FCGR2B: variants seen among roughly 807,000 people sequenced by gnomAD.
FCGR2B encodes the protein Fc gamma receptor IIb, also known as low affinity immunoglobulin gamma Fc region receptor II-b.
Under a neutral mutation model 24.8 loss-of-function variants are expected in FCGR2B, and 18 were observed. The observed-to-expected ratio is 0.73, with a 90% CI of 0.50 to 1.08. The LOEUF (loss-of-function observed/expected upper bound fraction) is 1.08, where lower values mean the gene tolerates loss of function less well. FCGR2B is among the 50% of genes least tolerant of loss of function. FCGR2B has a pLI of 0.00. For synonymous variants in FCGR2B, 79 were observed against 109.8 expected, an observed-to-expected ratio of 0.72 and a Z score of 1.75; for missense variants, 215 against 297.6, an observed-to-expected ratio of 0.72 and a Z score of 2.04.
chr1:161,649,233 G>A, the FCGR2B span, among the ~76,000 whole-genome samples: 2 of 149,702 alleles, frequency 1.3e-5, no homozygotes, highest in African/African-American at 2.5e-5. Context: ...AAAGGAAGAG[G>A]ATTGAAAGTA....
intron 2 of FCGR2B, 56 bp from the exon 3 acceptor site, chr1:161,671,336 C>T: frequency 6.2e-7 from 1 of 1,613,562 alleles, no homozygotes; most frequent in Non-Finnish European, 8.5e-7. Flanking sequence ...GATTCAGGGC[C>T]TCTCAAGCTC....
At chr1:161,647,297 C>T in the FCGR2B span, among the ~76,000 whole-genome samples, 1,962 of 122,204 alleles carry the variant, frequency 0.016, 4 homozygotes, top group East Asian at 0.088. Context: ...GCTCTGGACT[C>T]TTTTTTTTTT....
chr1:161,678,024 A>G lies in FCGR2B; in HGVS notation c.*471A>G. The G allele has an allele frequency of 9.2e-6, 2 of 216,978 alleles. No homozygotes were observed. Among genetic ancestry groups the G allele is most frequent in the East Asian group, 1.4e-4 (2 of 14,576 alleles). The allele number at this position is 216,978 out of a possible 1,614,324, so 13.4% of individuals were successfully genotyped here. A position where few individuals can be genotyped will look rare whatever the true frequency, so the allele number is the denominator to read the frequency against. ...CTTTATTTTTCTATAAAGATCATATATTACTTTTATAATAAAACATTATAA... is the reference window on the plus strand; with the variant it reads ...CTTTATTTTTCTATAAAGATCATATGTTACTTTTATAATAAAACATTATAA... On this transcript the variant is annotated 3_prime_UTR_variant, in exon 8 of 8. Coordinates refer to ENST00000358671, the MANE Select transcript of FCGR2B (RefSeq NM_001394477.1).
At chr1:161,652,045 AGTGTGTGT>A in the FCGR2B span, among the ~76,000 whole-genome samples, 407 of 104,606 alleles carry the variant, frequency 3.9e-3, 34 homozygotes, top group South Asian at 0.012. Flanking sequence ...TATGTTTAGG[AGTGTGTGT>A]GTGTGTGTGT....
the FCGR2B span, among the ~76,000 whole-genome samples, chr1:161,649,301 A>G: frequency 6.6e-6 from 1 of 151,004 alleles, no homozygotes; most frequent in Non-Finnish European, 1.5e-5. Flanking sequence ...CACTGCCAAT[A>G]ATATGAATGT....
chr1:161,653,345 G>T, the FCGR2B span, among the ~76,000 whole-genome samples: 2,302 of 131,980 alleles, frequency 0.017, 131 homozygotes, highest in African/African-American at 0.057. Flanking sequence ...GGCAGAGTTT[G>T]CAGTGAGCCA....
chr1:161,672,879 TC>T (rs1681794352), intron 3 of FCGR2B, 95 bp from the exon 4 acceptor site: 1 of 1,540,732 alleles, frequency 6.5e-7, no homozygotes, highest in African/African-American at 1.4e-5. Context: ...CCTAAGCTGT[TC>T]CCTCTGCACA....
chr1:161,675,085 C>G lies in FCGR2B; in HGVS notation c.761-172C>G, dbSNP rs1322761573. On this transcript the variant is annotated intron_variant, in intron 5 of 7. Coordinates refer to ENST00000358671, the MANE Select transcript of FCGR2B (RefSeq NM_001394477.1). ...GCTGAATTCTGCCTCTGGACCAGCC[C>G]TTTTCCAGGCGGGAGCAGCCTCTGA... 4 of 558,102 alleles carry G rather than the reference C, an allele frequency of 7.2e-6. No homozygotes were observed. In the South Asian group the frequency reaches 1.0e-4, roughly 14 times the overall value. 34.6% of individuals were successfully genotyped at this position (558,102 alleles called of 1,614,324 possible). A position where few individuals can be genotyped will look rare whatever the true frequency, so the allele number is the denominator to read the frequency against.
In FCGR2B at chr1:161,677,477, C is replaced by A; in HGVS notation, c.857C>A (p.Ala286Asp). The change falls in exon 8 of 8, where the codon GCT (alanine) becomes GAT (aspartate). Residue 286 changes from alanine (A) to aspartate (D), a missense_variant and splice_region_variant. Ala to Asp is a moderately radical substitution (Grantham distance 126). Coordinates refer to ENST00000358671, the MANE Select transcript of FCGR2B (RefSeq NM_001394477.1). ...ACTGCTGGTTTCTGCCTTCTCTAGG[C>A]TGAGAACACAATCACCTATTCACTT... ...TNPDEADKVG[A>D]ENTITYSLLM... The A allele has an allele frequency of 6.2e-7, 1 of 1,613,836 alleles. No homozygotes were observed.
At chr1:161,654,265 T>G in the FCGR2B span, among the ~76,000 whole-genome samples, 3 of 130,198 alleles carry the variant, frequency 2.3e-5, no homozygotes, top group Admixed American at 2.4e-4. Flanking sequence ...AGGACAGGGC[T>G]TTTTCAGTGA....
At chr1:161,648,561 A>G in the FCGR2B span, among the ~76,000 whole-genome samples, 2 of 151,086 alleles carry the variant, frequency 1.3e-5, no homozygotes, top group African/African-American at 2.4e-5. Flanking sequence ...CTTACGAATT[A>G]GCTTATCTTC....
rs1682324928 is a variant in FCGR2B at position 161,678,603 on chromosome 1, T to C, written c.*1050T>C. On this transcript the variant is annotated 3_prime_UTR_variant, in exon 8 of 8. Coordinates refer to ENST00000358671, the MANE Select transcript of FCGR2B (RefSeq NM_001394477.1). ...CAATGACCTTGTATTCTTGTTTCCA[T>C]GTCTTCTTCTCTTTCCTCCTATGGC... The C allele has an allele frequency of 4.8e-6, 1 of 208,240 alleles. No homozygotes were observed. Among genetic ancestry groups the C allele is most frequent in the Non-Finnish European group, 9.8e-6 (1 of 102,260 alleles). 12.9% of individuals were successfully genotyped at this position (208,240 alleles called of 1,614,324 possible). A position where few individuals can be genotyped will look rare whatever the true frequency, so the allele number is the denominator to read the frequency against.
the FCGR2B span, among the ~76,000 whole-genome samples, chr1:161,652,543 G>A: frequency 4.5e-5 from 6 of 134,786 alleles, no homozygotes; most frequent in East Asian, 2.0e-4. Flanking sequence ...AACATGTTAA[G>A]TATGGTTGTA....
chr1:161,671,286 T>C, intron 2 of FCGR2B, 106 bp from the exon 3 acceptor site: 1 of 1,572,004 alleles, frequency 6.4e-7, no homozygotes, highest in East Asian at 2.3e-5. Flanking sequence ...GGCTCGGCTT[T>C]TGGTGCCCCT....
At chr1:161,676,376 C>G (rs1394130130) in intron 6 of FCGR2B, 2 of 188,238 alleles carry the variant, frequency 1.1e-5, no homozygotes, top group Non-Finnish European at 2.2e-5. Context: ...CACACCAGGG[C>G]CAAAACAGAT....
At chr1:161,672,058 CAG>C in intron 3 of FCGR2B, 1 of 234,374 alleles carries the variant, frequency 4.3e-6, no homozygotes, top group Non-Finnish European at 8.2e-6. Context: ...TGGTGAGAAT[CAG>C]TGTTTCCCTG....
At position 161,677,514 on chromosome 1, in the gene FCGR2B, G is replaced by T; in HGVS notation, c.894G>T (p.Pro298=). Residue 298 remains proline (P), a synonymous_variant, in exon 8 of 8, where the codon CCG becomes CCT. Transcript: ENST00000358671. ...NTITYSLLMH[P]DALEEPDDQN... Reference sequence around the variant, plus strand: ...TCACCTATTCACTTCTCATGCACCCGGATGCTCTGGAAGAGCCTGATGACC... The same window carrying T: ...TCACCTATTCACTTCTCATGCACCCTGATGCTCTGGAAGAGCCTGATGACC... The T allele has an allele frequency of 6.2e-7, 1 of 1,613,970 alleles. No homozygotes were observed. The highest frequency in any genetic ancestry group is 8.5e-7 in the Non-Finnish European group (1 of 1,179,938).
the FCGR2B span, among the ~76,000 whole-genome samples, chr1:161,652,876 G>A: frequency 1.5e-5 from 2 of 134,032 alleles, no homozygotes; most frequent in African/African-American, 5.1e-5. Flanking sequence ...CTTGTGCTTG[G>A]GTGGAGGCAG....
rs909128439 is a variant in FCGR2B, at chr1:161,678,239, G to A, written c.*686G>A. ...TTTTCTTAAAACTGAATACAGTCAC[G>A]CACCACATAATGATGTTTAGTTCAA... On this transcript the variant is annotated 3_prime_UTR_variant, in exon 8 of 8. Transcript: ENST00000358671. 10 of 219,304 alleles carry A rather than the reference G, an allele frequency of 4.6e-5. No individual in the cohort carries two copies. The East Asian group carries it at 4.7e-4, about 10-fold the overall frequency. The allele number at this position is 219,304 out of a possible 1,614,324, so 13.6% of individuals were successfully genotyped here.
Sources: gnomAD v4.1 joint callset for allele counts (sites outside exome capture counted in the v4.1 genomes callset) on GRCh38, gnomAD v4.1.1 for gene constraint, MANE v1.5 for transcripts, NCBI Gene and HGNC (gene_info 2026-07-23, HGNC 2026-07-21) for gene names.